SLC35F3: variants seen among roughly 807,000 people sequenced by gnomAD.
The protein encoded by SLC35F3 is solute carrier family 35 member F3, also known as putative thiamine transporter SLC35F3.
SLC35F3 carries 25 observed loss-of-function variants against 49.9 expected under a neutral mutation model. The ratio of observed to expected loss-of-function variants is 0.50; its 90% CI spans 0.37 to 0.70. The LOEUF is 0.70. Ranked by LOEUF, SLC35F3 falls within the 30% of genes least tolerant of loss-of-function variation. The pLI is 0.00. For synonymous variants in SLC35F3, 275 were observed against 265.4 expected (o/e 1.04, Z -0.35); for missense variants, 525 against 639.8 (o/e 0.82, Z 1.94).
chr1:234,137,743 G>A (rs1665832528), intron 2 of SLC35F3, among the ~76,000 whole-genome samples: 1 of 152,196 alleles, frequency 6.6e-6, no homozygotes, highest in African/African-American at 2.4e-5. Context: ...AAAGAAAGCA[G>A]GAGCACATGT....
At chr1:234,292,315 T>C (rs1668522348) in intron 3 of SLC35F3, among the ~76,000 whole-genome samples, 1 of 152,240 alleles carries the variant, frequency 6.6e-6, no homozygotes, top group African/African-American at 2.4e-5. Context: ...GATTCTGGGC[T>C]TGCATAGACA....
chr1:233,945,608 G>A (rs996425646), intron 2 of SLC35F3, among the ~76,000 whole-genome samples: 3 of 152,180 alleles, frequency 2.0e-5, no homozygotes, highest in Non-Finnish European at 4.4e-5. Context: ...TCCTCACCCA[G>A]ATCTCATCTT....
At chr1:233,976,452 A>AT (rs1663081517) in intron 2 of SLC35F3, among the ~76,000 whole-genome samples, 1 of 152,158 alleles carries the variant, frequency 6.6e-6, no homozygotes, top group South Asian at 2.1e-4. Flanking sequence ...GTTCTGCTGT[A>AT]TTTTACTAGC....
chr1:234,005,010 A>G (rs969525895), intron 2 of SLC35F3, among the ~76,000 whole-genome samples: 2 of 152,212 alleles, frequency 1.3e-5, no homozygotes, highest in Non-Finnish European at 2.9e-5. Context: ...TAAGCAGGAA[A>G]TGAAAGAATT....
intron 2 of SLC35F3, among the ~76,000 whole-genome samples, chr1:234,066,759 C>G (rs1035427853): frequency 4.0e-5 from 6 of 149,914 alleles, no homozygotes; most frequent in South Asian, 2.1e-4. Context: ...CTCTCCCTCT[C>G]TCTCTCTTTC....
chr1:233,939,142 A>ATAGATACTGGTATAGTTAAG (rs1662382071), intron 2 of SLC35F3, among the ~76,000 whole-genome samples: 1 of 152,224 alleles, frequency 6.6e-6, no homozygotes, highest in Admixed American at 6.5e-5. Context: ...TCTAATTGAC[A>ATAGATACTGGTATAGTTAAG]TAGATACTGG....
intron 3 of SLC35F3, among the ~76,000 whole-genome samples, chr1:234,268,074 A>C (rs1275349749): frequency 1.3e-5 from 2 of 152,040 alleles, no homozygotes; most frequent in Non-Finnish European, 2.9e-5. Flanking sequence ...AGAGGCTGCA[A>C]TCTCGGCTCT....
chr1:234,077,299 C>T (rs1440225486), intron 2 of SLC35F3, among the ~76,000 whole-genome samples: 7 of 152,176 alleles, frequency 4.6e-5, no homozygotes, highest in South Asian at 4.1e-4. Context: ...CCACCGCGCC[C>T]GGCCAAGAAA....
chr1:234,036,087 C>A (rs1297123340), intron 2 of SLC35F3, among the ~76,000 whole-genome samples: 1 of 152,008 alleles, frequency 6.6e-6, no homozygotes, highest in Non-Finnish European at 1.5e-5. Flanking sequence ...TTTGTTCATT[C>A]ATTTTTAGAG....
At chr1:234,037,383 C>T (rs573816438) in intron 2 of SLC35F3, among the ~76,000 whole-genome samples, 2 of 152,268 alleles carry the variant, frequency 1.3e-5, no homozygotes, top group African/African-American at 2.4e-5. Context: ...GAGGGATCTG[C>T]CCCCATGACC....
intron 3 of SLC35F3, among the ~76,000 whole-genome samples, chr1:234,282,381 G>C (rs1668342705): frequency 6.6e-6 from 1 of 152,144 alleles, no homozygotes; most frequent in Admixed American, 6.5e-5. Context: ...CCCTGAAATT[G>C]GTGGTCTTCT....
chr1:234,216,177 C>T (rs1667117500), intron 2 of SLC35F3, among the ~76,000 whole-genome samples: 1 of 152,134 alleles, frequency 6.6e-6, no homozygotes, highest in South Asian at 2.1e-4. Flanking sequence ...AAGGATTGGC[C>T]ATTTATTTCT....
intron 2 of SLC35F3, among the ~76,000 whole-genome samples, chr1:233,956,421 C>T (rs977160310): frequency 1.3e-5 from 2 of 152,136 alleles, no homozygotes; most frequent in Non-Finnish European, 2.9e-5. Flanking sequence ...AAGGTAAGGG[C>T]CAGGGTATGG....
intron 4 of SLC35F3, among the ~76,000 whole-genome samples, chr1:234,312,258 G>A (rs370538935): frequency 6.7e-4 from 102 of 152,182 alleles, no homozygotes; most frequent in African/African-American, 1.9e-3. Flanking sequence ...AGGGCTGTTC[G>A]GGACCACCAA....
intron 2 of SLC35F3, among the ~76,000 whole-genome samples, chr1:233,910,104 T>C (rs1450834422): frequency 2.0e-5 from 3 of 152,266 alleles, no homozygotes; most frequent in Non-Finnish European, 2.9e-5. Context: ...GGAAGTGCTT[T>C]AGAATTCAGG....
At chr1:234,031,148 T>C (rs75012696) in intron 2 of SLC35F3, among the ~76,000 whole-genome samples, 1,901 of 152,318 alleles carry the variant, frequency 0.012, 33 homozygotes, top group African/African-American at 0.041. Context: ...CCTCTCTTGC[T>C]CCAGATGAGC....
At chr1:234,242,848 A>G (rs1366421827) in intron 3 of SLC35F3, among the ~76,000 whole-genome samples, 2 of 152,238 alleles carry the variant, frequency 1.3e-5, no homozygotes, top group Non-Finnish European at 2.9e-5. Context: ...AGCACTGGAT[A>G]TTAAAGCTCC....
intron 2 of SLC35F3, among the ~76,000 whole-genome samples, chr1:234,159,117 C>T (rs563108767): frequency 2.6e-5 from 4 of 152,240 alleles, no homozygotes; most frequent in African/African-American, 9.6e-5. Flanking sequence ...GTGCAAGACT[C>T]TTCACACACA....
chr1:233,939,443 A>G (rs1341093212), intron 2 of SLC35F3, among the ~76,000 whole-genome samples: 1 of 152,210 alleles, frequency 6.6e-6, no homozygotes, highest in African/African-American at 2.4e-5. Flanking sequence ...TGACAGAGCA[A>G]TATCCTGTCT....
Sources: gnomAD v4.1 joint callset for allele counts (sites outside exome capture counted in the v4.1 genomes callset) on GRCh38, gnomAD v4.1.1 for gene constraint, MANE v1.5 for transcripts, NCBI Gene and HGNC (gene_info 2026-07-23, HGNC 2026-07-21) for gene names.